Variants in TBC1D22A observed in about 807,000 individuals in gnomAD.
TBC1D22A encodes putative GTPase activator.
TBC1D22A carries 38 observed loss-of-function variants against 60.2 expected under a neutral mutation model. That is an observed-to-expected ratio of 0.63 (90% confidence interval 0.49 to 0.83). TBC1D22A has a LOEUF of 0.83. Ranked by LOEUF, TBC1D22A falls within the 40% of genes least tolerant of loss-of-function variation. The pLI is 0.00. For missense variants in TBC1D22A, 628 were observed against 701.0 expected (o/e 0.90, Z 1.18); for synonymous variants, 302 against 281.7 (o/e 1.07, Z -0.72).
chr22:46,947,601 G>A (rs143572845), intron 8 of TBC1D22A, among the ~76,000 whole-genome samples: 10 of 152,246 alleles, frequency 6.6e-5, no homozygotes, highest in Non-Finnish European at 1.2e-4. Flanking sequence ...TGCTGCTCCC[G>A]CTTGTCTGTG....
chr22:47,111,732 C>T (rs1323404326), intron 12 of TBC1D22A, 129 bp downstream of exon 12: 2 of 807,582 alleles, frequency 2.5e-6, no homozygotes, highest in Non-Finnish European at 3.9e-6. Flanking sequence ...CGCCGCTGAC[C>T]TCCTGCTGGT....
intron 8 of TBC1D22A, among the ~76,000 whole-genome samples, chr22:46,948,584 C>T (rs1345612806): frequency 6.6e-6 from 1 of 152,228 alleles, no homozygotes; most frequent in Non-Finnish European, 1.5e-5. Context: ...GAGTTGGTCT[C>T]TCTGTGTTCC....
intron 1 of TBC1D22A, among the ~76,000 whole-genome samples, chr22:46,768,507 AAAT>A: frequency 1.3e-5 from 2 of 151,122 alleles, no homozygotes; most frequent in African/African-American, 2.4e-5. Flanking sequence ...AAAAAAAAAA[AAAT>A]AGAATCTGAA....
chr22:46,953,708 C>T (rs370421237), intron 8 of TBC1D22A, among the ~76,000 whole-genome samples: 3 of 152,136 alleles, frequency 2.0e-5, no homozygotes, highest in African/African-American at 7.2e-5. Flanking sequence ...TGCATAATTT[C>T]GGATTGGAAG....
intron 8 of TBC1D22A, among the ~76,000 whole-genome samples, chr22:46,974,064 A>G (rs777616012): frequency 2.6e-5 from 4 of 152,226 alleles, no homozygotes; most frequent in Non-Finnish European, 5.9e-5. Context: ...ATGTTAATTA[A>G]TTGGAGAAGA....
intron 4 of TBC1D22A, among the ~76,000 whole-genome samples, chr22:46,833,070 C>G (rs2086378546): frequency 6.6e-6 from 1 of 152,240 alleles, no homozygotes; most frequent in Non-Finnish European, 1.5e-5. Context: ...GGTTAGATCT[C>G]TCCTGACTAG....
At chr22:47,003,910 T>A (rs1217663284) in intron 10 of TBC1D22A, among the ~76,000 whole-genome samples, 6 of 138,104 alleles carry the variant, frequency 4.3e-5, no homozygotes, top group African/African-American at 1.7e-4. Context: ...CATGCCTGTA[T>A]ACACACACCC....
intron 11 of TBC1D22A, among the ~76,000 whole-genome samples, chr22:47,075,140 G>A (rs759296367): frequency 3.3e-5 from 5 of 149,716 alleles, no homozygotes; most frequent in East Asian, 4.0e-4. Context: ...GGAGAATGGC[G>A]TGAACCAGGG....
At chr22:47,083,585 T>C (rs879888940) in intron 11 of TBC1D22A, among the ~76,000 whole-genome samples, 1 of 152,110 alleles carries the variant, frequency 6.6e-6, no homozygotes, top group Non-Finnish European at 1.5e-5. Context: ...TGAGGCTGCG[T>C]TGGGAGCAAC....
chr22:46,987,367 A>G (rs936208197), intron 9 of TBC1D22A, among the ~76,000 whole-genome samples: 3 of 152,152 alleles, frequency 2.0e-5, no homozygotes, highest in African/African-American at 7.2e-5. Context: ...TATTATTGCT[A>G]GGAGCTTGTT....
chr22:46,806,210 A>G (rs1601941325), intron 4 of TBC1D22A, among the ~76,000 whole-genome samples: 2 of 152,300 alleles, frequency 1.3e-5, no homozygotes, highest in East Asian at 1.9e-4. Flanking sequence ...TGGAAAACGT[A>G]GTATAGAGAC....
chr22:46,837,028 G>T (rs576243432), intron 4 of TBC1D22A, among the ~76,000 whole-genome samples: 6 of 151,838 alleles, frequency 4.0e-5, no homozygotes, highest in African/African-American at 1.2e-4. Flanking sequence ...GGGCATGGTG[G>T]CACGTGCCTG....
chr22:47,091,706 G>A (rs2064984770), intron 11 of TBC1D22A, among the ~76,000 whole-genome samples: 1 of 152,196 alleles, frequency 6.6e-6, no homozygotes. Context: ...GGACCTCACA[G>A]GTCTGGGTCT....
At chr22:46,796,900 G>A (rs777374349) in intron 3 of TBC1D22A, among the ~76,000 whole-genome samples, 44 of 152,230 alleles carry the variant, frequency 2.9e-4, no homozygotes, top group Non-Finnish European at 4.4e-4. Flanking sequence ...AGACCCAGGA[G>A]GGCCAGGCAG....
chr22:46,813,123 A>G (rs1416675981), intron 4 of TBC1D22A, among the ~76,000 whole-genome samples: 1 of 152,230 alleles, frequency 6.6e-6, no homozygotes, highest in Non-Finnish European at 1.5e-5. Flanking sequence ...AGATCAGACC[A>G]TTAAATACTT....
intron 7 of TBC1D22A, among the ~76,000 whole-genome samples, chr22:46,895,533 G>A (rs1249446699): frequency 1.3e-5 from 2 of 152,036 alleles, no homozygotes; most frequent in African/African-American, 4.8e-5. Context: ...CACCACGCCC[G>A]GCTAATTTTT....
intron 1 of TBC1D22A, among the ~76,000 whole-genome samples, chr22:46,784,963 T>A (rs2084096746): frequency 6.6e-6 from 1 of 152,220 alleles, no homozygotes; most frequent in Non-Finnish European, 1.5e-5. Flanking sequence ...CCCGAGCCTT[T>A]GATTTTTAAA....
chr22:47,168,565 G>A (rs899715047), intron 12 of TBC1D22A, among the ~76,000 whole-genome samples: 2 of 152,192 alleles, frequency 1.3e-5, no homozygotes, highest in Non-Finnish European at 1.5e-5. Flanking sequence ...CAGCACTCCC[G>A]CATCTAATCC....
At chr22:46,913,754 C>G (rs2070136449) in intron 8 of TBC1D22A, 1 of 985,206 alleles carries the variant, frequency 1.0e-6, no homozygotes, top group African/African-American at 1.7e-5. Context: ...GTTAAATAGA[C>G]CATTTAATTA....
Sources: gnomAD v4.1 joint callset for allele counts (sites outside exome capture counted in the v4.1 genomes callset) on GRCh38, gnomAD v4.1.1 for gene constraint, MANE v1.5 for transcripts, NCBI Gene and HGNC (gene_info 2026-07-23, HGNC 2026-07-21) for gene names.